DUSP22: variants seen among roughly 807,000 people sequenced by gnomAD.
DUSP22 encodes the protein dual specificity protein phosphatase 22.
DUSP22 carries 24 observed loss-of-function variants against 24.5 expected under a neutral mutation model. That is an observed-to-expected ratio of 0.98 (90% CI 0.71 to 1.38). The LOEUF is 1.38. DUSP22 is among the 40% of genes most tolerant of loss of function. The pLI is 0.00. For synonymous variants in DUSP22, 160 were observed against 106.4 expected (o/e 1.50, Z -3.10); for missense variants, 330 against 269.2 (o/e 1.23, Z -1.58).
At chr6:336,815 G>T (rs1182461132) in intron 4 of DUSP22, among the ~76,000 whole-genome samples, 2 of 152,304 alleles carry the variant, frequency 1.3e-5, no homozygotes, top group Non-Finnish European at 2.9e-5. Flanking sequence ...GTTACTAGTC[G>T]TGTCAAGAAA....
intron 3 of DUSP22, among the ~76,000 whole-genome samples, chr6:323,231 CGTGTGTGCATGTGTGTGTGTGTGT>C (rs1758692444): frequency 7.3e-6 from 1 of 137,284 alleles, no homozygotes; most frequent in Non-Finnish European, 1.6e-5. Context: ...GTTTTAAAGG[CGTGTGTGCATGTGTGTGTGTGTGT>C]GTGTGTGTTG....
chr6:317,527 G>A (rs143021560), intron 3 of DUSP22, among the ~76,000 whole-genome samples: 364 of 152,306 alleles, frequency 2.4e-3, no homozygotes, highest in African/African-American at 8.3e-3. Flanking sequence ...GAGGGACACC[G>A]TCAGGGTCCT....
chr6:302,013 C>T (rs1050948498), intron 1 of DUSP22, among the ~76,000 whole-genome samples: 8 of 152,286 alleles, frequency 5.3e-5, no homozygotes, highest in East Asian at 1.9e-4. Flanking sequence ...ATCTGTTTTC[C>T]GAATAATCCC....
chr6:316,991 A>C (rs1758364959), intron 3 of DUSP22, among the ~76,000 whole-genome samples: 1 of 152,310 alleles, frequency 6.6e-6, no homozygotes, highest in Non-Finnish European at 1.5e-5. Context: ...GGTGTTTTTA[A>C]AAGAATGGGA....
rs534062418 is a variant in DUSP22, at chr6:350,793, T to C, written c.*1842T>C. 1 of 1,614,248 alleles carries C rather than the reference T, an allele frequency of 6.2e-7. No homozygotes were observed. Among genetic ancestry groups the C allele is most frequent in the East Asian group, 2.2e-5 (1 of 44,888 alleles). ...AGTTCTTGAAATGTTGTTTTAATAT[T>C]TGTTGCCAGTAATGTTCTTTCTTCA... On this transcript the variant is annotated 3_prime_UTR_variant, in exon 7 of 7. Transcript: ENST00000419235.
chr6:326,879 A>G (rs1307185114), intron 3 of DUSP22, among the ~76,000 whole-genome samples: 1 of 152,310 alleles, frequency 6.6e-6, no homozygotes, highest in Non-Finnish European at 1.5e-5. Context: ...TGTCATTTAA[A>G]TGGAGAAGAC....
chr6:317,491 C>T (rs1758386907), intron 3 of DUSP22, among the ~76,000 whole-genome samples: 1 of 152,310 alleles, frequency 6.6e-6, no homozygotes, highest in Non-Finnish European at 1.5e-5. Context: ...TCCCTCCGAG[C>T]TCAGCCCCAG....
In DUSP22 at chr6:350,946, T is replaced by G; in HGVS notation, c.*1995T>G. 6.3e-7 allele frequency: 1 copy of G among 1,581,676 alleles called. No homozygotes were observed. The highest frequency in any genetic ancestry group is 8.7e-7 in the Non-Finnish European group (1 of 1,151,986). On this transcript the variant is annotated 3_prime_UTR_variant, in exon 7 of 7. Coordinates refer to ENST00000419235, the MANE Select transcript of DUSP22 (RefSeq NM_001286555.3). ...GCCAAAAAGAAAAGCAACATAGAGT[T>G]TAAGTATCCAGTAGTGATTTGTAAA...
intron 1 of DUSP22, among the ~76,000 whole-genome samples, chr6:301,897 A>G (rs1318903041): frequency 6.6e-6 from 1 of 152,310 alleles, no homozygotes; most frequent in African/African-American, 2.4e-5. Context: ...GAGACGGTCT[A>G]CTCTTATGCC....
intron 1 of DUSP22, among the ~76,000 whole-genome samples, chr6:300,675 A>G (rs998340996): frequency 6.6e-6 from 1 of 152,304 alleles, no homozygotes; most frequent in Non-Finnish European, 1.5e-5. Flanking sequence ...CAGGGCGGGT[A>G]GGTCTCGGTA....
intron 3 of DUSP22, among the ~76,000 whole-genome samples, chr6:330,021 G>T (rs186464914): frequency 1.7e-4 from 26 of 152,404 alleles, no homozygotes; most frequent in Admixed American, 1.6e-3. Flanking sequence ...TGGAGGGTCA[G>T]TGTGAATACA....
At chr6:321,392 G>C (rs997923907) in intron 3 of DUSP22, among the ~76,000 whole-genome samples, 1 of 152,310 alleles carries the variant, frequency 6.6e-6, no homozygotes, top group Non-Finnish European at 1.5e-5. Context: ...GACACATTCC[G>C]ATTTCTTTTG....
At chr6:324,858 TCACCAG>T (rs1174726541) in intron 3 of DUSP22, among the ~76,000 whole-genome samples, 3 of 152,304 alleles carry the variant, frequency 2.0e-5, no homozygotes, top group Non-Finnish European at 4.4e-5. Context: ...ACCCATTCCA[TCACCAG>T]CGAGGGGCTC....
chr6:294,408 C>T (rs1433762015), intron 1 of DUSP22, among the ~76,000 whole-genome samples: 2 of 152,272 alleles, frequency 1.3e-5, no homozygotes, highest in African/African-American at 4.8e-5. Context: ...TTCACAGAAC[C>T]TTCAGTACAG....
At chr6:294,976 A>G (rs1757259823) in intron 1 of DUSP22, among the ~76,000 whole-genome samples, 1 of 152,292 alleles carries the variant, frequency 6.6e-6, no homozygotes, top group Non-Finnish European at 1.5e-5. Context: ...CCAAATCACA[A>G]GGTTCATTAG....
intron 3 of DUSP22, among the ~76,000 whole-genome samples, chr6:314,171 A>T (rs1215360656): frequency 6.6e-6 from 1 of 152,308 alleles, no homozygotes; most frequent in African/African-American, 2.4e-5. Flanking sequence ...AAATGCAGTG[A>T]GCTGACCCCT....
At position 348,113 on chromosome 6, in the gene DUSP22, G is replaced by T. The variant is rs759847282; in HGVS notation, c.274G>T (p.Val92Phe). 3 of 1,614,112 alleles carry T rather than the reference G, an allele frequency of 1.9e-6. No homozygotes were observed. The highest frequency in any genetic ancestry group is 1.3e-5 in the African/African-American group (1 of 74,964). ...ESCLVHCLAGVSRSVTLVIAY... is the reference protein window; with the variant it reads ...ESCLVHCLAGFSRSVTLVIAY... ...CTCTTGGCCCCGCAGCCTGGCCGGG[G>T]TCTCCAGGAGCGTGACACTGGTGAT... The change falls in exon 6 of 7, where the codon GTC (valine) becomes TTC (phenylalanine). Residue 92 changes from valine to phenylalanine, a missense_variant. Val to Phe is a conservative substitution (Grantham distance 50). Transcript: ENST00000419235.
At chr6:299,882 G>A (rs1007339379) in intron 1 of DUSP22, among the ~76,000 whole-genome samples, 8 of 152,292 alleles carry the variant, frequency 5.3e-5, no homozygotes, top group East Asian at 1.9e-4. Flanking sequence ...GGCACAGCTC[G>A]TATCAGGCTT....
chr6:295,692 T>C (rs78128455), intron 1 of DUSP22, among the ~76,000 whole-genome samples: 1 of 151,810 alleles, frequency 6.6e-6, no homozygotes, highest in African/African-American at 2.4e-5. Flanking sequence ...CCCAGCTACT[T>C]GGGAGGCTGA....
Sources: gnomAD v4.1 joint callset for allele counts (sites outside exome capture counted in the v4.1 genomes callset) on GRCh38, gnomAD v4.1.1 for gene constraint, MANE v1.5 for transcripts, NCBI Gene and HGNC (gene_info 2026-07-23, HGNC 2026-07-21) for gene names.